The following ADGRV1 variants were observed in gnomAD, a reference collection of about 807,000 sequenced individuals.
ADGRV1 encodes G-protein coupled receptor 98.
In ADGRV1, 359 loss-of-function variants were observed where a neutral mutation model predicts 596.2. The ratio of observed to expected loss-of-function variants is 0.60; its 90% confidence interval spans 0.55 to 0.66. The LOEUF (loss-of-function observed/expected upper bound fraction) is 0.66. Ranked by LOEUF, ADGRV1 falls within the 30% of genes least tolerant of loss-of-function variation. ADGRV1 has a pLI of 0.00. For synonymous variants in ADGRV1, 2,681 were observed against 2,679.2 expected (o/e 1.00, Z -0.02); for missense variants, 7,274 against 7,575.6 (o/e 0.96, Z 1.48).
intron 85 of ADGRV1, among the ~76,000 whole-genome samples, chr5:91,056,996 T>C (rs1447751017): frequency 6.6e-6 from 1 of 152,222 alleles, no homozygotes. Flanking sequence ...TGATGTATAA[T>C]ATAACCACAT....
chr5:90,794,355 T>A (rs998499452), intron 70 of ADGRV1, among the ~76,000 whole-genome samples: 1 of 152,188 alleles, frequency 6.6e-6, no homozygotes, highest in African/African-American at 2.4e-5. Flanking sequence ...GGCTTTTTTT[T>A]ATGAGGCACA....
intron 1 of ADGRV1, among the ~76,000 whole-genome samples, chr5:90,568,861 A>G (rs932885433): frequency 6.6e-6 from 1 of 152,182 alleles, no homozygotes; most frequent in Non-Finnish European, 1.5e-5. Flanking sequence ...ATCTTTATAA[A>G]ATATCCTTCT....
chr5:90,748,351 A>G (rs1233401488), intron 52 of ADGRV1, among the ~76,000 whole-genome samples: 1 of 152,238 alleles, frequency 6.6e-6, no homozygotes, highest in Non-Finnish European at 1.5e-5. Flanking sequence ...TTTAAAAAGT[A>G]GAAAGAAGCA....
intron 21 of ADGRV1, among the ~76,000 whole-genome samples, chr5:90,665,841 A>G (rs1771258047): frequency 6.6e-6 from 1 of 151,196 alleles, no homozygotes; most frequent in Non-Finnish European, 1.5e-5. Context: ...TTCAAAGAAC[A>G]TCTTTATTTC....
chr5:90,958,598 G>C (rs934551883), intron 83 of ADGRV1, among the ~76,000 whole-genome samples: 5 of 152,098 alleles, frequency 3.3e-5, no homozygotes, highest in African/African-American at 1.2e-4. Flanking sequence ...TGTCTTCAGG[G>C]TTGACTTCAT....
At chr5:90,669,337 C>G (rs1772089098) in intron 21 of ADGRV1, among the ~76,000 whole-genome samples, 1 of 152,176 alleles carries the variant, frequency 6.6e-6, no homozygotes, top group Non-Finnish European at 1.5e-5. Context: ...ACCTTCAGGA[C>G]AGTCAGTTCC....
rs77054514 is a variant in ADGRV1 at position 90,629,647 on chromosome 5, T to G, written c.1839+108T>G. ...TTTGACCTTGTTATTTTGCCGTCAT[T>G]TATATGTTGTTACTAAAAGTTGTTT... is the stretch of plus-strand genomic sequence containing the variant. On this transcript the variant is annotated intron_variant, in intron 9 of 89. Transcript: ENST00000405460. 376 of 807,494 alleles carry G rather than the reference T, an allele frequency of 4.7e-4. 6 individuals are homozygous for G. In the East Asian group the frequency reaches 8.0e-3, roughly 17 times the overall value. 50.0% of individuals were successfully genotyped at this position (807,494 alleles called of 1,614,324 possible).
Position 90,653,818 on chromosome 5 carries a change from T to G in ADGRV1, c.4244T>G (p.Val1415Gly). The G allele has an allele frequency of 6.2e-7, 1 of 1,613,380 alleles. No individual in the cohort carries two copies. Among genetic ancestry groups the G allele is most frequent in the East Asian group, 2.2e-5 (1 of 44,860 alleles). ...SNATYIAKTT[V>G]MKYLEESVWL... ...GCTACATACATTGCCAAGACAACAG[T>G]CATGAAATATTTAGAAGAAAGTGTT... Residue 1415 changes from valine to glycine, a missense_variant, in exon 20 of 90, where the codon GTC becomes GGC. Coordinates refer to ENST00000405460, the MANE Select transcript of ADGRV1 (RefSeq NM_032119.4).
chr5:90,759,750 G>A, intron 58 of ADGRV1, 162 bp downstream of exon 58: 4 of 640,802 alleles, frequency 6.2e-6, no homozygotes, highest in South Asian at 5.1e-5. Context: ...CAGATCACGA[G>A]GTCAGGAGAT....
intron 83 of ADGRV1, among the ~76,000 whole-genome samples, chr5:90,910,610 C>G (rs1772799402): frequency 6.7e-6 from 1 of 148,672 alleles, no homozygotes; most frequent in African/African-American, 2.5e-5. Context: ...TATACACCCG[C>G]ACACACCTGT....
rs970889522 is a variant in ADGRV1, at chr5:90,720,365, A to G, written c.9623+142A>G. On this transcript the variant is annotated intron_variant, in intron 44 of 89. Coordinates refer to ENST00000405460, the MANE Select transcript of ADGRV1 (RefSeq NM_032119.4). ...AATGAACTCTAGAAAAGATAGGTCT[A>G]GAGAGACCAGTTACTCTCCTAACTG... The G allele has an allele frequency of 7.7e-6, 4 of 517,072 alleles. No homozygotes were observed. The highest frequency in any genetic ancestry group is 1.3e-5 in the Non-Finnish European group (4 of 312,372). The allele number at this position is 517,072 out of a possible 1,614,324, so 32.0% of individuals were successfully genotyped here.
chr5:91,059,974 A>T (rs917504641), intron 85 of ADGRV1, among the ~76,000 whole-genome samples: 2 of 152,066 alleles, frequency 1.3e-5, no homozygotes, highest in African/African-American at 4.8e-5. Flanking sequence ...GTACATTTTT[A>T]TGTACTAACC....
At chr5:90,715,659 T>TC (rs1365632869) in intron 42 of ADGRV1, among the ~76,000 whole-genome samples, 1 of 152,036 alleles carries the variant, frequency 6.6e-6, no homozygotes, top group South Asian at 2.1e-4. Flanking sequence ...ACTTTTCTTT[T>TC]TTTTTTTTAA....
intron 21 of ADGRV1, among the ~76,000 whole-genome samples, chr5:90,669,463 C>T (rs937417130): frequency 2.0e-5 from 3 of 151,858 alleles, no homozygotes; most frequent in African/African-American, 4.8e-5. Flanking sequence ...AGGACTTGGT[C>T]GTTGACACTT....
At chr5:90,808,385 T>G (rs1762108287) in intron 73 of ADGRV1, among the ~76,000 whole-genome samples, 1 of 152,236 alleles carries the variant, frequency 6.6e-6, no homozygotes, top group Non-Finnish European at 1.5e-5. Context: ...CTTTCTGTTC[T>G]TCAGTTTACT....
At chr5:90,598,252 A>G (rs2152017090) in intron 1 of ADGRV1, among the ~76,000 whole-genome samples, 1 of 152,308 alleles carries the variant, frequency 6.6e-6, no homozygotes, top group South Asian at 2.1e-4. Flanking sequence ...TACTTTTTGA[A>G]TGCCATTGAA....
At chr5:90,986,097 A>ATATATATTATG (rs1780478835) in intron 85 of ADGRV1, among the ~76,000 whole-genome samples, 1 of 140,330 alleles carries the variant, frequency 7.1e-6, no homozygotes, top group South Asian at 2.2e-4. Context: ...TAATATATAT[A>ATATATATTATG]TATATATATT....
Position 90,685,993 on chromosome 5 carries a change from C to T in ADGRV1, c.6488C>T (p.Ala2163Val), listed in dbSNP as rs1561525157. ...KFKAVPITAI[A>V]GEDYSIASSD... Reference sequence around the variant, plus strand: ...AAAGCTGTGCCAATAACTGCAATAGCTGGTAAGAAAAGACATCTAAAAAGC... The same window carrying T: ...AAAGCTGTGCCAATAACTGCAATAGTTGGTAAGAAAAGACATCTAAAAAGC... The change falls in exon 29 of 90, where the codon GCT (alanine) becomes GTT (valine). Residue 2163 changes from alanine (A) to valine (V), a missense_variant and splice_region_variant. Ala to Val is a moderately conservative substitution (Grantham distance 64). Transcript: ENST00000405460. 2 of 1,566,798 alleles carry T rather than the reference C, an allele frequency of 1.3e-6. No individual in the cohort carries two copies. The highest frequency in any genetic ancestry group is 1.7e-6 in the Non-Finnish European group (2 of 1,151,984).
At chr5:91,128,717 G>A (rs772496789) in intron 87 of ADGRV1, among the ~76,000 whole-genome samples, 1 of 152,146 alleles carries the variant, frequency 6.6e-6, no homozygotes, top group South Asian at 2.1e-4. Context: ...TAATTCTACT[G>A]TCCTTGCAGC....
Sources: allele counts gnomAD v4.1 joint callset (sites outside exome capture counted in the v4.1 genomes callset), GRCh38; gene constraint gnomAD v4.1.1; transcripts MANE v1.5; gene names NCBI Gene and HGNC (gene_info 2026-07-23, HGNC 2026-07-21).